The following PPME1 variants were observed in gnomAD, a reference collection of about 807,000 sequenced individuals.
PPME1 encodes the protein testicular secretory protein Li 39.
Under a neutral mutation model 56.9 loss-of-function variants are expected in PPME1, and 17 were observed. The observed-to-expected ratio is 0.30, with a 90% CI of 0.20 to 0.45. PPME1 has a LOEUF of 0.45. Ranked by LOEUF, PPME1 falls within the 20% of genes least tolerant of loss-of-function variation. PPME1 has a pLI of 1.00. For synonymous variants in PPME1, 122 were observed against 156.2 expected, an observed-to-expected ratio of 0.78 and a Z score of 1.63; for missense variants, 357 against 483.2, an observed-to-expected ratio of 0.74 and a Z score of 2.45.
chr11:74,185,805 C>T (rs1222105484), intron 1 of PPME1, among the ~76,000 whole-genome samples: 1 of 152,060 alleles, frequency 6.6e-6, no homozygotes, highest in Non-Finnish European at 1.5e-5. Flanking sequence ...TAAGATTACA[C>T]CTGTTCTCCC....
intron 3 of PPME1, among the ~76,000 whole-genome samples, chr11:74,220,622 A>G (rs1010198376): frequency 1.3e-5 from 2 of 152,190 alleles, no homozygotes; most frequent in Non-Finnish European, 2.9e-5. Context: ...ATTATGTCTA[A>G]GTAGTAAAGA....
intron 1 of PPME1, among the ~76,000 whole-genome samples, chr11:74,176,664 C>T (rs1378451867): frequency 6.8e-6 from 1 of 146,132 alleles, no homozygotes; most frequent in Non-Finnish European, 1.5e-5. Flanking sequence ...AAGGCTTTTC[C>T]TTTTTTTGGG....
chr11:74,204,510 A>T (rs562485782), intron 3 of PPME1, 65 bp downstream of exon 3: 3 of 1,361,822 alleles, frequency 2.2e-6, no homozygotes, highest in East Asian at 4.7e-5. Context: ...GTATAGGGAC[A>T]AATCTTGGAA....
At chr11:74,235,125 A>AT (rs1859159067) in intron 7 of PPME1, among the ~76,000 whole-genome samples, 3 of 152,102 alleles carry the variant, frequency 2.0e-5, no homozygotes, top group African/African-American at 4.8e-5. Context: ...ATTTTGAATG[A>AT]TTTTTTAAAC....
intron 1 of PPME1, among the ~76,000 whole-genome samples, chr11:74,187,848 G>A (rs759713024): frequency 6.6e-6 from 1 of 152,214 alleles, no homozygotes; most frequent in African/African-American, 2.4e-5. Context: ...GTTGCAAATG[G>A]AATTAAGGTT....
chr11:74,243,091 G>A (rs1213074237), intron 9 of PPME1, among the ~76,000 whole-genome samples: 1 of 151,860 alleles, frequency 6.6e-6, no homozygotes, highest in East Asian at 1.9e-4. Context: ...ACTGCATCTC[G>A]CCCAGGTAAA....
chr11:74,204,278 C>T (rs576294300), intron 2 of PPME1, 75 bp from the exon 3 acceptor site: 92 of 1,138,556 alleles, frequency 8.1e-5, no homozygotes, highest in Non-Finnish European at 8.9e-5. Context: ...AAGTTTCTAG[C>T]GGTATTACTA....
chr11:74,188,190 C>CT (rs557437447), intron 1 of PPME1, among the ~76,000 whole-genome samples: 23,936 of 136,734 alleles, frequency 0.18, 2,254 homozygotes, highest in East Asian at 0.29. Context: ...TCCTTTTTCT[C>CT]TTTTTTTTTT....
At chr11:74,174,708 A>C (rs562025556) in intron 1 of PPME1, among the ~76,000 whole-genome samples, 1 of 152,322 alleles carries the variant, frequency 6.6e-6, no homozygotes, top group African/African-American at 2.4e-5. Flanking sequence ...TTGTTGGATA[A>C]TTTAATAATA....
chr11:74,222,990 G>A (rs1391116125), intron 4 of PPME1, among the ~76,000 whole-genome samples: 1 of 148,044 alleles, frequency 6.8e-6, no homozygotes, highest in East Asian at 2.0e-4. Flanking sequence ...TGTGCACATT[G>A]TGCAGGTTAG....
At chr11:74,250,815 A>T (rs1859638063) in intron 11 of PPME1, 139 bp from the exon 12 acceptor site, 1 of 665,478 alleles carries the variant, frequency 1.5e-6, no homozygotes, top group African/African-American at 1.8e-5. Flanking sequence ...CCTCAGCAAG[A>T]CTTGATAATT....
chr11:74,237,275 C>CTTTTTTTTGTTTTTTTTTTTT (rs1859215311), intron 8 of PPME1, among the ~76,000 whole-genome samples: 2 of 128,032 alleles, frequency 1.6e-5, no homozygotes, highest in African/African-American at 6.5e-5. Flanking sequence ...GTCTGGTTGT[C>CTTTTTTTTGTTTTTTTTTTTT]TTTTTTTTTT....
intron 8 of PPME1, chr11:74,237,677 G>A (rs553896277): frequency 6.6e-6 from 1 of 152,032 alleles, no homozygotes; most frequent in African/African-American, 2.4e-5. Context: ...ACCTCTTTAA[G>A]ATAAGTATTG....
intron 9 of PPME1, among the ~76,000 whole-genome samples, chr11:74,240,687 G>A (rs1190256546): frequency 6.6e-6 from 1 of 152,140 alleles, no homozygotes; most frequent in Non-Finnish European, 1.5e-5. Flanking sequence ...TTTAAATAAC[G>A]CATGGTCTGT....
At chr11:74,204,709 A>G (rs972935750) in intron 3 of PPME1, among the ~76,000 whole-genome samples, 5 of 152,162 alleles carry the variant, frequency 3.3e-5, no homozygotes, top group Admixed American at 2.0e-4. Flanking sequence ...AAAAGAAAAG[A>G]TAATAGGGAG....
At chr11:74,221,527 A>G (rs1858799966) in intron 3 of PPME1, among the ~76,000 whole-genome samples, 2 of 152,086 alleles carry the variant, frequency 1.3e-5, no homozygotes, top group African/African-American at 2.4e-5. Context: ...TTTTACTCCT[A>G]ATTTGTTATG....
chr11:74,239,180 G>A lies in PPME1; in HGVS notation c.758G>A (p.Gly253Glu). 6.2e-7 allele frequency: 1 copy of A among 1,613,568 alleles called. No homozygotes were observed. The highest frequency in any genetic ancestry group is 8.5e-7 in the Non-Finnish European group (1 of 1,179,690). The change falls in exon 9 of 14, where the codon GGA becomes GAA. Residue 253 changes from glycine (G) to glutamate (E), a missense_variant. Physicochemically the swap from Gly to Glu is moderately conservative, Grantham distance 98. This residue lies in a region of PPME1 where 182 missense variants were observed against 293.8 expected (regional missense o/e 0.62). Coordinates refer to ENST00000328257, the MANE Select transcript of PPME1 (RefSeq NM_016147.3). ...SPEGSKSIVE[G>E]IIEEEEEDEE... ...GAAGGCTCAAAATCTATAGTGGAAG[G>A]AATCATAGAGGAAGAAGAAGAAGAT...
chr11:74,175,241 G>A (rs1857374327), intron 1 of PPME1, among the ~76,000 whole-genome samples: 1 of 152,204 alleles, frequency 6.6e-6, no homozygotes, highest in Non-Finnish European at 1.5e-5. Flanking sequence ...GGTGGCTCAT[G>A]CCTGTAATCT....
intron 7 of PPME1, among the ~76,000 whole-genome samples, chr11:74,235,321 G>T (rs1859163878): frequency 6.6e-6 from 1 of 152,050 alleles, no homozygotes; most frequent in African/African-American, 2.4e-5. Context: ...TGGAGAAGCT[G>T]GCGCCTGCCT....
Sources: allele counts gnomAD v4.1 joint callset (sites outside exome capture counted in the v4.1 genomes callset), GRCh38; gene constraint gnomAD v4.1.1; regional missense constraint gnomAD v4.1.1; transcripts MANE v1.5; gene names NCBI Gene and HGNC (gene_info 2026-07-23, HGNC 2026-07-21).